EHBP1: variants seen among roughly 807,000 people sequenced by gnomAD.
EHBP1 encodes the protein EH domain binding protein 1.
A neutral mutation model predicts 144.0 loss-of-function variants in EHBP1; 55 were observed. That is an observed-to-expected ratio of 0.38 (90% CI 0.31 to 0.48). The LOEUF (loss-of-function observed/expected upper bound fraction) is 0.48. Ranked by LOEUF, EHBP1 falls within the 20% of genes least tolerant of loss-of-function variation. The pLI, the probability that EHBP1 is intolerant of heterozygous loss-of-function variation, is 0.98. For synonymous variants in EHBP1, 469 were observed against 472.7 expected, an observed-to-expected ratio of 0.99 and a Z score of 0.10; for missense variants, 1,200 against 1,364.2, an observed-to-expected ratio of 0.88 and a Z score of 1.90.
intron 9 of EHBP1, among the ~76,000 whole-genome samples, chr2:62,866,364 A>G (rs148735662): frequency 6.6e-6 from 1 of 152,358 alleles, no homozygotes; most frequent in Admixed American, 6.5e-5. Context: ...AACATTTATC[A>G]GGCATGTAAA....
chr2:62,739,228 C>A (rs554805886), intron 2 of EHBP1, among the ~76,000 whole-genome samples: 1 of 152,206 alleles, frequency 6.6e-6, no homozygotes, highest in South Asian at 2.1e-4. Flanking sequence ...TCAGTAAATG[C>A]TTTTTGAATA....
chr2:62,795,594 C>T (rs981393792), intron 5 of EHBP1, among the ~76,000 whole-genome samples: 1 of 152,066 alleles, frequency 6.6e-6, no homozygotes, highest in Non-Finnish European at 1.5e-5. Context: ...TCATGCTCTT[C>T]ACTGTCTATG....
chr2:62,841,944 G>C (rs549667174), intron 7 of EHBP1, among the ~76,000 whole-genome samples: 3 of 152,188 alleles, frequency 2.0e-5, no homozygotes, highest in African/African-American at 7.2e-5. Context: ...CACAGTTTTG[G>C]AAGATGGGAA....
chr2:62,714,525 G>C (rs545073277), intron 2 of EHBP1, among the ~76,000 whole-genome samples: 1 of 152,070 alleles, frequency 6.6e-6, no homozygotes, highest in African/African-American at 2.4e-5. Context: ...ATTATCTCTT[G>C]GTACTTCTTC....
intron 14 of EHBP1, among the ~76,000 whole-genome samples, chr2:62,968,523 AT>A (rs963399392): frequency 6.6e-6 from 1 of 151,994 alleles, no homozygotes; most frequent in Non-Finnish European, 1.5e-5. Context: ...TAAAACAGTA[AT>A]TTTTTTTAAT....
chr2:62,797,207 A>G (rs1005199867), intron 5 of EHBP1, among the ~76,000 whole-genome samples: 1 of 152,182 alleles, frequency 6.6e-6, no homozygotes. Context: ...TTAGCTATGC[A>G]TGGCTTTTGT....
At chr2:62,767,663 T>G (rs1308505822) in intron 4 of EHBP1, among the ~76,000 whole-genome samples, 1 of 151,800 alleles carries the variant, frequency 6.6e-6, no homozygotes, top group Non-Finnish European at 1.5e-5. Flanking sequence ...GGCAAAACCC[T>G]GTCTCTTTTG....
chr2:62,960,164 C>G (rs192665076), intron 14 of EHBP1, among the ~76,000 whole-genome samples: 1 of 152,208 alleles, frequency 6.6e-6, no homozygotes, highest in Admixed American at 6.5e-5. Context: ...CCTCAAAATC[C>G]ATCTGGTAAC....
chr2:62,835,849 G>A (rs1479048231), intron 7 of EHBP1, among the ~76,000 whole-genome samples: 6 of 152,106 alleles, frequency 3.9e-5, no homozygotes, highest in African/African-American at 7.2e-5. Context: ...CTACGCCCAC[G>A]GAATCTGGCT....
intron 19 of EHBP1, among the ~76,000 whole-genome samples, chr2:63,010,827 T>C (rs970505957): frequency 6.6e-6 from 1 of 151,782 alleles, no homozygotes; most frequent in Admixed American, 6.6e-5. Flanking sequence ...AGTAGGATTA[T>C]TAACCTATGT....
intron 10 of EHBP1, among the ~76,000 whole-genome samples, chr2:62,925,585 T>C (rs2055438549): frequency 6.6e-6 from 1 of 152,142 alleles, no homozygotes; most frequent in African/African-American, 2.4e-5. Context: ...AGTTGCAGGA[T>C]ACAAAATTTG....
intron 10 of EHBP1, among the ~76,000 whole-genome samples, chr2:62,880,201 C>T (rs940283860): frequency 9.9e-5 from 15 of 152,112 alleles, no homozygotes; most frequent in East Asian, 7.7e-4. Flanking sequence ...TCACCACATA[C>T]AAAAATTAAC....
chr2:62,990,184 CAT>C (rs1156838487), intron 15 of EHBP1, among the ~76,000 whole-genome samples: 7 of 152,004 alleles, frequency 4.6e-5, no homozygotes, highest in Non-Finnish European at 1.0e-4. Flanking sequence ...TATTTGTAAA[CAT>C]ATACCCTGTT....
chr2:62,712,677 G>A (rs2035266161), intron 2 of EHBP1, among the ~76,000 whole-genome samples: 1 of 152,094 alleles, frequency 6.6e-6, no homozygotes, highest in Non-Finnish European at 1.5e-5. Context: ...AAAAGGAGAA[G>A]GTAAGTACGT....
intron 1 of EHBP1, among the ~76,000 whole-genome samples, chr2:62,689,633 T>C (rs149895467): frequency 3.0e-4 from 46 of 152,298 alleles, no homozygotes; most frequent in African/African-American, 9.6e-4. Flanking sequence ...GCCACTGCAC[T>C]CTAGCCTAGG....
intron 10 of EHBP1, chr2:62,881,767 A>G (rs535418027): frequency 1.3e-5 from 2 of 152,318 alleles, no homozygotes; most frequent in African/African-American, 2.4e-5. Context: ...AAACGATTCC[A>G]TTGTAAATAA....
At chr2:62,846,411 A>G (rs752043808) in intron 7 of EHBP1, among the ~76,000 whole-genome samples, 1 of 152,330 alleles carries the variant, frequency 6.6e-6, no homozygotes, top group African/African-American at 2.4e-5. Context: ...TTATATAGTC[A>G]ATTCAACAGA....
chr2:62,940,139 G>A, intron 10 of EHBP1: 2 of 409,262 alleles, frequency 4.9e-6, no homozygotes, highest in South Asian at 1.9e-5. Context: ...AAACGCCTGT[G>A]GTAAAGGTTC....
chr2:62,720,833 A>G (rs2036156104), intron 2 of EHBP1, among the ~76,000 whole-genome samples: 1 of 152,190 alleles, frequency 6.6e-6, no homozygotes, highest in Non-Finnish European at 1.5e-5. Context: ...TGAGCTTTAA[A>G]AAAAACTCCC....
Sources: gnomAD v4.1 joint callset for allele counts (sites outside exome capture counted in the v4.1 genomes callset) on GRCh38, gnomAD v4.1.1 for gene constraint, MANE v1.5 for transcripts, NCBI Gene and HGNC (gene_info 2026-07-23, HGNC 2026-07-21) for gene names.